The following NDST3 variants were observed in gnomAD, a reference collection of about 807,000 sequenced individuals.
NDST3 encodes bifunctional heparan sulfate N-deacetylase/N-sulfotransferase 3.
In NDST3, 58 loss-of-function variants were observed where a neutral mutation model predicts 96.1. The ratio of observed to expected loss-of-function variants is 0.60; its 90% CI spans 0.49 to 0.75. The LOEUF (loss-of-function observed/expected upper bound fraction) is 0.75, where lower values mean the gene tolerates loss of function less well. Ranked by LOEUF, NDST3 falls within the 30% of genes least tolerant of loss-of-function variation. The pLI is 0.00. For synonymous variants in NDST3, 333 were observed against 359.7 expected, an observed-to-expected ratio of 0.93 and a Z score of 0.84; for missense variants, 788 against 1,034.2, an observed-to-expected ratio of 0.76 and a Z score of 3.27.
At position 118,226,933 on chromosome 4, in the gene NDST3, A is replaced by G. The variant is rs1401884038; in HGVS notation, c.1770A>G (p.Lys590=). ...KRHRDIWSKE[K]TCDRLPKFLV... ...ACAGAGACATTTGGTCTAAAGAAAA[A>G]ACTTGTGATCGCTTACCAAAATTCT... The change falls in exon 8 of 14, where the codon AAA becomes AAG. Residue 590 remains lysine, a synonymous_variant. Transcript: ENST00000296499. The G allele has an allele frequency of 6.2e-7, 1 of 1,613,720 alleles. No homozygotes were observed. The highest frequency in any genetic ancestry group is 8.5e-7 in the Non-Finnish European group (1 of 1,179,888).
At chr4:118,252,657 G>A (rs1276781472) in intron 12 of NDST3, among the ~76,000 whole-genome samples, 4 of 152,180 alleles carry the variant, frequency 2.6e-5, no homozygotes, top group Admixed American at 1.3e-4. Context: ...TTGGGAGGCT[G>A]AGACAGGCGG....
chr4:118,111,571 C>G (rs150232038), intron 3 of NDST3, among the ~76,000 whole-genome samples: 8,942 of 148,534 alleles, frequency 0.06, 318 homozygotes, highest in Middle Eastern at 0.082. Flanking sequence ...GAGTCTCGCT[C>G]TGTCACCCAG....
chr4:118,241,171 T>TGATC, intron 11 of NDST3, among the ~76,000 whole-genome samples: 1 of 151,880 alleles, frequency 6.6e-6, no homozygotes, highest in Non-Finnish European at 1.5e-5. Flanking sequence ...TCCAGACACA[T>TGATC]CAGACATGGT....
chr4:118,182,779 T>C (rs552983879), intron 6 of NDST3, among the ~76,000 whole-genome samples: 1 of 152,272 alleles, frequency 6.6e-6, no homozygotes, highest in East Asian at 1.9e-4. Context: ...GAGAATCTCA[T>C]CCAGTTTTTG....
At chr4:118,157,036 T>A (rs1289857338) in intron 6 of NDST3, among the ~76,000 whole-genome samples, 1 of 152,170 alleles carries the variant, frequency 6.6e-6, no homozygotes, top group Non-Finnish European at 1.5e-5. Context: ...CCGGATTATT[T>A]GTACATCAAA....
At chr4:118,051,681 C>G in intron 1 of NDST3, among the ~76,000 whole-genome samples, 1 of 152,000 alleles carries the variant, frequency 6.6e-6, no homozygotes, top group East Asian at 1.9e-4. Flanking sequence ...AATTATCTCT[C>G]TTTGCTGATG....
chr4:118,153,088 T>C (rs1734505844), intron 6 of NDST3, among the ~76,000 whole-genome samples: 1 of 152,218 alleles, frequency 6.6e-6, no homozygotes. Context: ...TCTATCTTGA[T>C]CTGAATCCTG....
At chr4:118,132,991 C>T (rs894091334) in intron 4 of NDST3, among the ~76,000 whole-genome samples, 6 of 152,256 alleles carry the variant, frequency 3.9e-5, no homozygotes, top group East Asian at 1.9e-4. Context: ...GAAGGAAGGA[C>T]GCACTTTCAT....
rs143345920 is a variant in NDST3 at position 118,153,561 on chromosome 4, G to A, written c.1539+9877G>A. Among the ~76,000 whole-genome samples the A allele has an allele frequency of 4.9e-3, 747 of 152,314 alleles. 8 individuals carry two copies. Among genetic ancestry groups the A allele is most frequent in the African/African-American group, 0.017 (716 of 41,578 alleles). On this transcript the variant is annotated intron_variant, in intron 6 of 13. Transcript: ENST00000296499. Reference sequence around the variant, plus strand: ...AGTTTGGCTGGGTGTGGTGGCTCATGCCTTTAATACCAGCACTTTGGGATG... The same window carrying A: ...AGTTTGGCTGGGTGTGGTGGCTCATACCTTTAATACCAGCACTTTGGGATG...
rs538302011 is a variant in NDST3, at chr4:118,212,134, C to T, written c.1540-12357C>T. 7.2e-5 allele frequency among the ~76,000 whole-genome samples: 11 copies of T among 152,214 alleles called. No homozygotes were observed. In the South Asian group the frequency reaches 1.9e-3, roughly 26 times the overall value. ...GATACAGTTAGTTGGGTTCACAATG[C>T]AAATAAAGCATTTGGAATTTGTATG... On this transcript the variant is annotated intron_variant, in intron 6 of 13. Transcript: ENST00000296499.
At chr4:118,104,920 G>T in intron 2 of NDST3, 98 bp from the exon 3 acceptor site, 2 of 866,390 alleles carry the variant, frequency 2.3e-6, no homozygotes, top group Non-Finnish European at 3.7e-6. Flanking sequence ...CATGTATAAG[G>T]AACTGGTTTT....
chr4:118,075,633 T>G (rs555687673), intron 2 of NDST3, among the ~76,000 whole-genome samples: 2 of 152,358 alleles, frequency 1.3e-5, no homozygotes, highest in South Asian at 4.1e-4. Context: ...TTGATTTGCA[T>G]TTCTCTGATG....
chr4:118,089,133 A>G (rs1249005199), intron 2 of NDST3, among the ~76,000 whole-genome samples: 1 of 151,964 alleles, frequency 6.6e-6, no homozygotes, highest in Non-Finnish European at 1.5e-5. Flanking sequence ...CATGGATAAA[A>G]TGAATTCCTA....
At chr4:118,172,290 A>T in intron 6 of NDST3, among the ~76,000 whole-genome samples, 1 of 152,190 alleles carries the variant, frequency 6.6e-6, no homozygotes, top group Non-Finnish European at 1.5e-5. Context: ...AACAGCCTTA[A>T]ACATCTTGGT....
chr4:118,157,738 AACC>A (rs1202780522), intron 6 of NDST3, among the ~76,000 whole-genome samples: 1 of 152,120 alleles, frequency 6.6e-6, no homozygotes, highest in Non-Finnish European at 1.5e-5. Flanking sequence ...TTTGATTTTG[AACC>A]ATGAAATGTT....
At chr4:118,224,127 A>G (rs1341151465) in intron 6 of NDST3, among the ~76,000 whole-genome samples, 1 of 152,164 alleles carries the variant, frequency 6.6e-6, no homozygotes, top group African/African-American at 2.4e-5. Context: ...GAGATGTTTT[A>G]TATTGGGAAT....
chr4:118,249,843 A>G (rs970997721), intron 12 of NDST3, among the ~76,000 whole-genome samples: 6 of 152,144 alleles, frequency 3.9e-5, no homozygotes, highest in African/African-American at 1.4e-4. Context: ...CAGTTCAATG[A>G]ATACAAATAT....
At chr4:118,184,091 A>G (rs1306445377) in intron 6 of NDST3, among the ~76,000 whole-genome samples, 2 of 152,228 alleles carry the variant, frequency 1.3e-5, no homozygotes, top group Admixed American at 6.5e-5. Context: ...TAGCAAAATA[A>G]TGTCAAAAAA....
At chr4:118,050,870 G>A (rs1190080209) in intron 1 of NDST3, among the ~76,000 whole-genome samples, 1 of 151,824 alleles carries the variant, frequency 6.6e-6, no homozygotes, top group Non-Finnish European at 1.5e-5. Flanking sequence ...TAAAAAAACT[G>A]TTCTAAAATT....
Sources: allele counts gnomAD v4.1 joint callset (sites outside exome capture counted in the v4.1 genomes callset), GRCh38; gene constraint gnomAD v4.1.1; transcripts MANE v1.5; gene names NCBI Gene and HGNC (gene_info 2026-07-23, HGNC 2026-07-21).